The following SUMF1 variants were observed in gnomAD, a reference collection of about 807,000 sequenced individuals.
SUMF1 encodes the protein sulfatase modifying factor 1.
SUMF1 carries 48 observed loss-of-function variants against 47.6 expected under a neutral mutation model. The observed-to-expected ratio is 1.01, with a 90% CI of 0.80 to 1.28. The LOEUF is 1.28. SUMF1 is among the 50% of genes most tolerant of loss of function. The pLI is 0.00. For synonymous variants in SUMF1, 230 were observed against 192.1 expected, an observed-to-expected ratio of 1.20 and a Z score of -1.63; for missense variants, 571 against 485.4, an observed-to-expected ratio of 1.18 and a Z score of -1.66.
intron 8 of SUMF1, among the ~76,000 whole-genome samples, chr3:4,261,069 T>A (rs1207364546): frequency 1.3e-5 from 2 of 152,134 alleles, no homozygotes; most frequent in Non-Finnish European, 2.9e-5. Flanking sequence ...ATACTCACCC[T>A]AGTTTGACAC....
intron 8 of SUMF1, among the ~76,000 whole-genome samples, chr3:4,150,353 G>A (rs2125104545): frequency 6.6e-6 from 1 of 151,650 alleles, no homozygotes; most frequent in Middle Eastern, 3.4e-3. Flanking sequence ...CCTGAGCTCA[G>A]GAGTTTGCGA....
chr3:4,190,845 T>C (rs1186659957), intron 8 of SUMF1, among the ~76,000 whole-genome samples: 2 of 152,112 alleles, frequency 1.3e-5, no homozygotes, highest in African/African-American at 2.4e-5. Context: ...TTCATTCACT[T>C]GAAAACTACA....
chr3:4,341,032 T>C (rs308719), intron 8 of SUMF1, among the ~76,000 whole-genome samples: 9,920 of 152,190 alleles, frequency 0.065, 539 homozygotes, highest in South Asian at 0.3. Flanking sequence ...GCTTTTGCCA[T>C]CAGGGAGTGC....
chr3:4,080,548 G>C (rs1054054475), intron 8 of SUMF1, among the ~76,000 whole-genome samples: 1 of 152,022 alleles, frequency 6.6e-6, no homozygotes. Context: ...ACAAAATCCA[G>C]GTTTTTATTC....
chr3:4,041,384 T>C (rs1407510983), intron 9 of SUMF1, among the ~76,000 whole-genome samples: 1 of 152,214 alleles, frequency 6.6e-6, no homozygotes, highest in Non-Finnish European at 1.5e-5. Flanking sequence ...CCATTCTTTA[T>C]GATGATATAT....
At chr3:4,458,818 T>G (rs966637809) in intron 1 of SUMF1, among the ~76,000 whole-genome samples, 2 of 152,074 alleles carry the variant, frequency 1.3e-5, no homozygotes, top group Non-Finnish European at 2.9e-5. Flanking sequence ...ATGGAGCCAC[T>G]GCACTCCAGC....
At chr3:4,060,601 G>C (rs1178227292) in intron 9 of SUMF1, among the ~76,000 whole-genome samples, 2 of 152,132 alleles carry the variant, frequency 1.3e-5, no homozygotes, top group African/African-American at 4.8e-5. Context: ...TTTGAAGCAA[G>C]ATGTATGATT....
intron 8 of SUMF1, among the ~76,000 whole-genome samples, chr3:4,221,822 TAC>T (rs202080162): frequency 2.6e-5 from 4 of 151,736 alleles, no homozygotes; most frequent in African/African-American, 4.8e-5. Flanking sequence ...ATGTTTCACA[TAC>T]ACACACACAC....
At chr3:4,127,856 G>A (rs1693691211) in intron 8 of SUMF1, among the ~76,000 whole-genome samples, 2 of 152,062 alleles carry the variant, frequency 1.3e-5, no homozygotes, top group Admixed American at 1.3e-4. Flanking sequence ...AAATGGGAAG[G>A]ACTTTACTTC....
chr3:4,263,891 A>T (rs371001102), intron 8 of SUMF1, among the ~76,000 whole-genome samples: 1 of 152,038 alleles, frequency 6.6e-6, no homozygotes, highest in South Asian at 2.1e-4. Context: ...TGCTTATTTT[A>T]TTTTATTTAT....
intron 8 of SUMF1, among the ~76,000 whole-genome samples, chr3:4,213,815 G>A (rs909921963): frequency 6.6e-6 from 1 of 152,094 alleles, no homozygotes; most frequent in African/African-American, 2.4e-5. Flanking sequence ...GACAAAGAAG[G>A]CCATTACATA....
intron 8 of SUMF1, among the ~76,000 whole-genome samples, chr3:4,288,869 C>A (rs1259096568): frequency 2.0e-5 from 3 of 152,088 alleles, no homozygotes; most frequent in Admixed American, 6.6e-5. Context: ...ATTTCTGCCC[C>A]CAAAGGAAGA....
chr3:4,250,072 T>C (rs1447770473), intron 8 of SUMF1, among the ~76,000 whole-genome samples: 1 of 151,866 alleles, frequency 6.6e-6, no homozygotes, highest in Non-Finnish European at 1.5e-5. Context: ...TAATCCCAAC[T>C]ACTCAGGACA....
chr3:4,329,510 C>T (rs944327059), intron 8 of SUMF1, among the ~76,000 whole-genome samples: 2 of 152,232 alleles, frequency 1.3e-5, no homozygotes, highest in Admixed American at 6.5e-5. Flanking sequence ...TCTATGTTGG[C>T]CCCTTTTAGC....
chr3:4,035,895 G>A (rs1694784652), intron 9 of SUMF1, among the ~76,000 whole-genome samples: 1 of 151,998 alleles, frequency 6.6e-6, no homozygotes, highest in Non-Finnish European at 1.5e-5. Flanking sequence ...TAGAGACACT[G>A]CAGTTTAGGG....
intron 9 of SUMF1, among the ~76,000 whole-genome samples, chr3:4,036,207 G>A (rs1327071229): frequency 6.6e-6 from 1 of 152,208 alleles, no homozygotes; most frequent in Non-Finnish European, 1.5e-5. Flanking sequence ...CAGTGATTAT[G>A]AGGATGAGAC....
chr3:4,456,658 G>GAA (rs2079615001), intron 1 of SUMF1, among the ~76,000 whole-genome samples: 1 of 126,404 alleles, frequency 7.9e-6, no homozygotes, highest in Non-Finnish European at 1.7e-5. Context: ...ATATGTGTGT[G>GAA]TATATATATA....
intron 8 of SUMF1, among the ~76,000 whole-genome samples, chr3:4,189,705 AGGAGAAGAAAAC>A (rs1695275286): frequency 2.7e-5 from 1 of 36,426 alleles, no homozygotes; most frequent in South Asian, 4.9e-4. Context: ...AACTAAAGGA[AGGAGAAGAAAAC>A]TAAATGACCC....
chr3:4,450,207 C>G (rs1575238132), intron 2 of SUMF1, among the ~76,000 whole-genome samples: 1 of 152,158 alleles, frequency 6.6e-6, no homozygotes, highest in Admixed American at 6.5e-5. Flanking sequence ...TAGCACACAG[C>G]TAGTTGTTCT....
Sources: allele counts gnomAD v4.1 joint callset (sites outside exome capture counted in the v4.1 genomes callset), GRCh38; gene constraint gnomAD v4.1.1; transcripts MANE v1.5; gene names NCBI Gene and HGNC (gene_info 2026-07-23, HGNC 2026-07-21).